Variants in NGEF observed in about 807,000 individuals in gnomAD.
The protein encoded by NGEF is neuronal guanine nucleotide exchange factor, also known as ephexin-1.
NGEF carries 31 observed loss-of-function variants against 80.9 expected under a neutral mutation model. The ratio of observed to expected loss-of-function variants is 0.38; its 90% confidence interval spans 0.29 to 0.52. The LOEUF (loss-of-function observed/expected upper bound fraction) is 0.52, where lower values mean the gene tolerates loss of function less well. NGEF is among the 20% of genes least tolerant of loss of function. NGEF has a pLI of 0.84. For synonymous variants in NGEF, 371 were observed against 370.2 expected (o/e 1.00, Z -0.03); for missense variants, 709 against 926.2 (o/e 0.77, Z 3.04).
At chr2:232,890,589 C>T (rs1691850350) in intron 8 of NGEF, among the ~76,000 whole-genome samples, 1 of 152,144 alleles carries the variant, frequency 6.6e-6, no homozygotes, top group African/African-American at 2.4e-5. Context: ...CCCAAGACGT[C>T]CCCATCTCAG....
chr2:232,881,632 C>G (rs187248045), intron 13 of NGEF, among the ~76,000 whole-genome samples: 15 of 152,274 alleles, frequency 9.9e-5, no homozygotes, highest in Non-Finnish European at 1.9e-4. Context: ...TGTCACCAGG[C>G]TGGAGTGCAG....
intron 10 of NGEF, 103 bp from the exon 11 acceptor site, chr2:232,884,247 G>T: frequency 1.5e-6 from 2 of 1,316,552 alleles, no homozygotes; most frequent in Non-Finnish European, 2.0e-6. Flanking sequence ...CCTGCCCAGG[G>T]CCCCGACACA....
intron 1 of NGEF, among the ~76,000 whole-genome samples, chr2:232,977,406 G>A (rs1694317741): frequency 6.6e-6 from 1 of 152,218 alleles, no homozygotes; most frequent in Admixed American, 6.5e-5. Context: ...CAGAGATGGG[G>A]GTGCTGCTTT....
At chr2:232,927,502 C>T (rs1161105378) in intron 3 of NGEF, among the ~76,000 whole-genome samples, 1 of 152,172 alleles carries the variant, frequency 6.6e-6, no homozygotes, top group Non-Finnish European at 1.5e-5. Flanking sequence ...GCTCCGACAG[C>T]CCGACGGGTC....
At chr2:232,938,282 A>T (rs1437924653) in intron 3 of NGEF, among the ~76,000 whole-genome samples, 3 of 152,228 alleles carry the variant, frequency 2.0e-5, no homozygotes, top group Non-Finnish European at 2.9e-5. Context: ...TTGATGGTTC[A>T]TGTGTCCTTA....
chr2:232,898,035 C>G (rs553538300), intron 5 of NGEF, among the ~76,000 whole-genome samples: 178 of 150,140 alleles, frequency 1.2e-3, no homozygotes, highest in Non-Finnish European at 2.2e-3. Context: ...CCAGTGTCCA[C>G]CGACACAAAA....
At chr2:232,894,708 G>A in intron 6 of NGEF, 48 bp downstream of exon 6, 2 of 1,488,470 alleles carry the variant, frequency 1.3e-6, no homozygotes, top group Non-Finnish European at 1.8e-6. Context: ...ATGTGCCCTG[G>A]GGATGAAGAA....
intron 3 of NGEF, among the ~76,000 whole-genome samples, chr2:232,934,241 CAAAA>C (rs11329977): frequency 1.1e-4 from 11 of 98,826 alleles, no homozygotes; most frequent in Admixed American, 2.2e-4. Flanking sequence ...GACTGCATCT[CAAAA>C]AAAAAAAAAA....
chr2:232,888,439 CAT>C (rs1399229184), intron 8 of NGEF, among the ~76,000 whole-genome samples: 4 of 152,344 alleles, frequency 2.6e-5, no homozygotes, highest in Admixed American at 6.5e-5. Context: ...CATGCTCACA[CAT>C]GCACAACACG....
intron 9 of NGEF, among the ~76,000 whole-genome samples, chr2:232,886,387 T>C (rs1358142988): frequency 6.6e-6 from 1 of 151,434 alleles, no homozygotes; most frequent in Non-Finnish European, 1.5e-5. Context: ...GTGTGTGATA[T>C]GTATGGGCGT....
At chr2:232,905,147 G>A (rs1692466453) in intron 5 of NGEF, among the ~76,000 whole-genome samples, 1 of 151,496 alleles carries the variant, frequency 6.6e-6, no homozygotes, top group South Asian at 2.1e-4. Context: ...TCCCTCTCAT[G>A]CCGAGCCAAA....
chr2:232,888,581 A>G (rs1168825389), intron 8 of NGEF, among the ~76,000 whole-genome samples: 2 of 152,234 alleles, frequency 1.3e-5, no homozygotes, highest in African/African-American at 2.4e-5. Flanking sequence ...GCATGCACGC[A>G]CACACATACA....
intron 3 of NGEF, among the ~76,000 whole-genome samples, chr2:232,933,053 A>G (rs921083386): frequency 2.0e-5 from 3 of 151,864 alleles, no homozygotes; most frequent in African/African-American, 7.3e-5. Context: ...AGGTTGCAGT[A>G]AGCTGAGGTC....
At chr2:232,896,043 C>A (rs1692047376) in intron 5 of NGEF, among the ~76,000 whole-genome samples, 1 of 69,260 alleles carries the variant, frequency 1.4e-5, no homozygotes, top group South Asian at 4.0e-4. Flanking sequence ...TTCCCCGTCA[C>A]CCTCTGATAC....
chr2:232,899,692 ACATT>A (rs1415537551), intron 5 of NGEF, among the ~76,000 whole-genome samples: 4 of 90,484 alleles, frequency 4.4e-5, no homozygotes, highest in Non-Finnish European at 7.0e-5. Context: ...ACTCATACAC[ACATT>A]CACTCACACA....
rs139497138 is a variant in NGEF at position 233,001,939 on chromosome 2, C to T, written c.-75+11129G>A. 6.1e-3 allele frequency among the ~76,000 whole-genome samples: 928 copies of T among 152,148 alleles called. 6 individuals carry two copies. The highest frequency in any genetic ancestry group is 0.021 in the African/African-American group (871 of 41,498). On this transcript the variant is annotated intron_variant, in intron 1 of 14. Coordinates refer to ENST00000264051, the MANE Select transcript of NGEF (RefSeq NM_019850.3). ...CTGAGGCAGGAGAATTGCTTGAACCCGGGAGACGGAGGTTGCCCTGAACCA... is the reference window on the plus strand; with the variant it reads ...CTGAGGCAGGAGAATTGCTTGAACCTGGGAGACGGAGGTTGCCCTGAACCA...
In NGEF at chr2:232,969,612, G is replaced by A. The variant is rs571223914; in HGVS notation, c.383+602C>T. ...CAACCTCCACATCCCGGGTTCAATC[G>A]ATTCTCTTCCCTCAGCCTCCCGAGT... is the stretch of plus-strand genomic sequence containing the variant. On this transcript the variant is annotated intron_variant, in intron 3 of 14. Transcript: ENST00000264051. 9.3e-5 allele frequency among the ~76,000 whole-genome samples: 14 copies of A among 150,786 alleles called. No individual in the cohort carries two copies. In the East Asian group the frequency reaches 2.4e-3, roughly 25 times the overall value.
chr2:232,888,185 C>G (rs2106222489), intron 8 of NGEF, 78 bp from the exon 9 acceptor site: 1 of 1,037,218 alleles, frequency 9.6e-7, no homozygotes, highest in Non-Finnish European at 1.4e-6. Context: ...CCGTGACTAC[C>G]TCCCTACTGC....
At chr2:232,933,070 T>C (rs1431527725) in intron 3 of NGEF, among the ~76,000 whole-genome samples, 1 of 151,230 alleles carries the variant, frequency 6.6e-6, no homozygotes, top group Non-Finnish European at 1.5e-5. Flanking sequence ...GGTCGTGCCA[T>C]TGCACTCCAG....
Sources: allele counts gnomAD v4.1 joint callset (sites outside exome capture counted in the v4.1 genomes callset), GRCh38; gene constraint gnomAD v4.1.1; transcripts MANE v1.5; gene names NCBI Gene and HGNC (gene_info 2026-07-23, HGNC 2026-07-21).